Variants in TSBP1 observed in about 807,000 individuals in gnomAD.
TSBP1 encodes the protein testis-expressed basic protein 1.
A neutral mutation model predicts 68.8 loss-of-function variants in TSBP1; 56 were observed. That is an observed-to-expected ratio of 0.81 (90% CI 0.66 to 1.02). TSBP1 has a LOEUF of 1.02. Ranked by LOEUF, TSBP1 falls within the 50% of genes least tolerant of loss-of-function variation. The pLI, the probability that TSBP1 is intolerant of heterozygous loss-of-function variation, is 0.00. For synonymous variants in TSBP1, 171 were observed against 208.7 expected (o/e 0.82, Z 1.56); for missense variants, 502 against 641.2 (o/e 0.78, Z 2.34).
At chr6:32,293,274 C>CTGT (rs1764340966) in exon 23 of TSBP1, 1 of 1,606,924 alleles carries the variant, frequency 6.2e-7, no homozygotes, top group Admixed American at 1.7e-5. Flanking sequence ...TCCAGTGTTT[C>CTGT]TGGTACACTC....
At chr6:32,354,739 C>T (rs1018104310) in intron 8 of TSBP1, among the ~76,000 whole-genome samples, 2 of 151,774 alleles carry the variant, frequency 1.3e-5, no homozygotes, top group African/African-American at 4.8e-5. Context: ...AGTGTATAAC[C>T]TGGATTTCAA....
rs538974462 is a variant in TSBP1 at position 32,304,358 on chromosome 6, A to T, written c.581-1729T>A. On this transcript the variant is annotated intron_variant, in intron 19 of 22. Coordinates refer to ENST00000612031, the Ensembl canonical transcript of TSBP1. The surrounding 1 kb of genome is among the most constrained non-coding windows in gnomAD (Gnocchi z 4.8). ...TTGGACCAATTGCTAAAAATAAAAT[A>T]AAACAAATCAGTTTTTTTTTAAATT... Among the ~76,000 whole-genome samples the T allele has an allele frequency of 8.7e-5, 13 of 148,750 alleles. No individual in the cohort carries two copies. Among genetic ancestry groups the T allele is most frequent in the Admixed American group, 7.3e-4 (11 of 15,138 alleles).
exon 23 of TSBP1, chr6:32,293,804 A>G: frequency 6.2e-7 from 1 of 1,612,952 alleles, no homozygotes; most frequent in Non-Finnish European, 8.5e-7. Context: ...CTTGACCTCC[A>G]TTCCTATTTT....
intron 19 of TSBP1, among the ~76,000 whole-genome samples, chr6:32,303,458 C>T (rs1481785800): frequency 6.7e-6 from 1 of 148,272 alleles, no homozygotes; most frequent in Non-Finnish European, 1.5e-5. Flanking sequence ...GCATTTAGGT[C>T]CACTTTACGT....
intron 16 of TSBP1, chr6:32,324,598 T>G: frequency 1.3e-6 from 2 of 1,482,698 alleles, no homozygotes; most frequent in Non-Finnish European, 1.8e-6. Context: ...TAAAGACTCT[T>G]GGACTCCACT....
At chr6:32,300,794 A>G in intron 20 of TSBP1, 94 bp from the exon 24 acceptor site, 1 of 981,422 alleles carries the variant, frequency 1.0e-6, no homozygotes, top group Non-Finnish European at 1.6e-6. Flanking sequence ...CTGTGTCATT[A>G]ACAACTAAAT....
At chr6:32,369,849 C>G in intron 2 of TSBP1, 48 bp downstream of exon 2, 1 of 1,150,052 alleles carries the variant, frequency 8.7e-7, no homozygotes, top group Middle Eastern at 1.9e-4. Flanking sequence ...GCATCCCTCC[C>G]TCCGTGGTTT....
Position 32,315,691 on chromosome 6 carries a change from T to G in TSBP1, c.580+81A>C. 1 of 894,562 alleles carries G rather than the reference T, an allele frequency of 1.1e-6. No homozygotes were observed. Among genetic ancestry groups the G allele is most frequent in the Non-Finnish European group, 1.6e-6 (1 of 610,298 alleles). 55.4% of individuals were successfully genotyped at this position (894,562 alleles called of 1,614,324 possible). On this transcript the variant is annotated intron_variant, in intron 19 of 22. Transcript: ENST00000612031. The surrounding 1 kb of genome is among the most constrained non-coding windows in gnomAD (Gnocchi z 5.4). ...AGCAAATGAATATGAGAAATATGAG[T>G]CTCAATCTTTTGGATACTTAGAAGT...
intron 1 of TSBP1, among the ~76,000 whole-genome samples, chr6:32,370,313 T>C (rs1382040337): frequency 6.6e-6 from 1 of 151,526 alleles, no homozygotes; most frequent in Non-Finnish European, 1.5e-5. Flanking sequence ...GAATCAGTGG[T>C]CTACGAAGCT....
At chr6:32,308,253 G>A (rs915074543) in intron 19 of TSBP1, among the ~76,000 whole-genome samples, 5 of 151,838 alleles carry the variant, frequency 3.3e-5, no homozygotes, top group African/African-American at 1.2e-4. Flanking sequence ...TAATCTGTGA[G>A]TTTAATCTAC....
intron 21 of TSBP1, among the ~76,000 whole-genome samples, chr6:32,300,407 G>A (rs1248309029): frequency 6.6e-6 from 1 of 152,094 alleles, no homozygotes. Context: ...TAGCACAGAG[G>A]AAATAGGCTC....
intron 18 of TSBP1, among the ~76,000 whole-genome samples, chr6:32,317,657 C>T (rs1767118767): frequency 1.3e-5 from 2 of 152,156 alleles, no homozygotes; most frequent in African/African-American, 4.8e-5. Context: ...AGGGAATAGG[C>T]ACTTTTCAAA....
Position 32,338,948 on chromosome 6 carries a change from A to C in TSBP1, c.409+31T>G, listed in dbSNP as rs377206164. On this transcript the variant is annotated intron_variant, in intron 11 of 22. Coordinates refer to ENST00000612031, the Ensembl canonical transcript of TSBP1. This position sits in a 1 kb window ranked among gnomAD's most constrained non-coding sequence, Gnocchi z 5.5. ...CTAACAGTTTAGTAAAGCAAAGCAC[A>C]TGAGAATTAAAGGGCAGAAAAAGAA... The C allele has an allele frequency of 1.0e-5, 16 of 1,576,528 alleles. No individual in the cohort carries two copies. The highest frequency in any genetic ancestry group is 1.3e-5 in the Non-Finnish European group (15 of 1,146,876).
At position 32,338,913 on chromosome 6, in the gene TSBP1, C is replaced by A; in HGVS notation, c.409+66G>T. On this transcript the variant is annotated intron_variant, in intron 11 of 22. Coordinates refer to ENST00000612031, the Ensembl canonical transcript of TSBP1. The surrounding 1 kb of genome is among the most constrained non-coding windows in gnomAD (Gnocchi z 5.5). Reference sequence around the variant, plus strand: ...TAAAAAAATCTAGGAATATGAGTGTCTTACATATTCTAACAGTTTAGTAAA... The same window carrying A: ...TAAAAAAATCTAGGAATATGAGTGTATTACATATTCTAACAGTTTAGTAAA... 4 of 1,225,368 alleles carry A rather than the reference C, an allele frequency of 3.3e-6. No individual in the cohort carries two copies. The highest frequency in any genetic ancestry group is 2.4e-6 in the Non-Finnish European group (2 of 826,648). 75.9% of individuals were successfully genotyped at this position (1,225,368 alleles called of 1,614,324 possible). A position where few individuals can be genotyped will look rare whatever the true frequency, so the allele number is the denominator to read the frequency against.
At position 32,370,905 on chromosome 6, in the gene TSBP1, T is replaced by C. The variant is rs1054766559; in HGVS notation, c.13+789A>G. On this transcript the variant is annotated intron_variant, in intron 1 of 22. Coordinates refer to ENST00000612031, the Ensembl canonical transcript of TSBP1. ...AGAAAAAAACAACCATAAAACTGCC[T>C]GTGAAAGTAAAAACTCTGAAGAATA... 1.6e-4 allele frequency among the ~76,000 whole-genome samples: 25 copies of C among 151,870 alleles called. 1 individual carries two copies. The highest frequency in any genetic ancestry group is 5.8e-4 in the African/African-American group (24 of 41,354).
At chr6:32,367,884 T>C (rs1461650578) in intron 4 of TSBP1, 41 bp downstream of exon 4, 1 of 1,462,906 alleles carries the variant, frequency 6.8e-7, no homozygotes, top group Admixed American at 1.7e-5. Context: ...CTAAAGAGTA[T>C]ATTCCTTCAT....
chr6:32,304,844 TA>T lies in TSBP1; in HGVS notation c.581-2216del, dbSNP rs58990245. Among the ~76,000 whole-genome samples the T allele has an allele frequency of 0.2, 30,937 of 152,076 alleles. 3,304 individuals carry two copies. Among genetic ancestry groups the T allele is most frequent in the Non-Finnish European group, 0.21 (14,602 of 67,964 alleles). On this transcript the variant is annotated intron_variant, in intron 19 of 22. Coordinates refer to ENST00000612031, the Ensembl canonical transcript of TSBP1. This position sits in a 1 kb window ranked among gnomAD's most constrained non-coding sequence, Gnocchi z 4.8. ...TGAGAATTTAAAACTCTTCAAGAGT[TA>T]GTAATACTTATTTTAAGTTTTGCTT...
At chr6:32,364,589 T>C (rs1405788076) in intron 6 of TSBP1, among the ~76,000 whole-genome samples, 1 of 152,080 alleles carries the variant, frequency 6.6e-6, no homozygotes, top group Non-Finnish European at 1.5e-5. Context: ...TTTGTTTTTT[T>C]TTCTCTTTGT....
chr6:32,336,605 T>G lies in TSBP1; in HGVS notation c.430+10A>C. On this transcript the variant is annotated intron_variant, in intron 12 of 22. Coordinates refer to ENST00000612031, the Ensembl canonical transcript of TSBP1. The surrounding 1 kb of genome is among the most constrained non-coding windows in gnomAD (Gnocchi z 5.2). ...AGGGACCAGAGTGGAAAAACAAACT[T>G]GATACTTACGAATAGGGGCTGTGAA... 1 of 1,611,618 alleles carries G rather than the reference T, an allele frequency of 6.2e-7. No individual in the cohort carries two copies. Among genetic ancestry groups the G allele is most frequent in the East Asian group, 2.2e-5 (1 of 44,860 alleles).
Sources: allele counts gnomAD v4.1 joint callset (sites outside exome capture counted in the v4.1 genomes callset), GRCh38; gene constraint gnomAD v4.1.1; non-coding constraint Gnocchi (gnomAD v3.1); transcripts MANE v1.5; gene names NCBI Gene and HGNC (gene_info 2026-07-23, HGNC 2026-07-21).